RBFOX1: variants seen among roughly 807,000 people sequenced by gnomAD.
RBFOX1 encodes RNA binding fox-1 homolog 1.
A neutral mutation model predicts 57.7 loss-of-function variants in RBFOX1; 8 were observed. The observed-to-expected ratio is 0.14, with a 90% CI of 0.08 to 0.25. The LOEUF (loss-of-function observed/expected upper bound fraction) is 0.25. Among genes scored for constraint, RBFOX1 ranks in the 10% least tolerant of loss-of-function variants. The probability of loss-of-function intolerance (pLI) is 1.00; values close to 1 mark genes in which losing one functional copy is unlikely to be tolerated. For synonymous variants in RBFOX1, 326 were observed against 222.4 expected, an observed-to-expected ratio of 1.47 and a Z score of -4.15; for missense variants, 611 against 548.5, an observed-to-expected ratio of 1.11 and a Z score of -1.14.
At chr16:5,529,581 T>TTG (rs2044380610) in intron 2 of RBFOX1, among the ~76,000 whole-genome samples, 1 of 150,784 alleles carries the variant, frequency 6.6e-6, no homozygotes, top group Non-Finnish European at 1.5e-5. Flanking sequence ...ATTTTTTTTT[T>TTG]TTGAGATGGA....
intron 3 of RBFOX1, chr16:6,749,058 T>A (rs2074375255): frequency 6.6e-6 from 1 of 152,152 alleles, no homozygotes. Context: ...TGGGTATTCA[T>A]AAAATGACTG....
chr16:6,357,443 A>G (rs1107240), intron 2 of RBFOX1, among the ~76,000 whole-genome samples: 44,630 of 151,756 alleles, frequency 0.29, 6,987 homozygotes, highest in African/African-American at 0.4. Flanking sequence ...GTGGGGGTAA[A>G]GAGGGTATTG....
intron 2 of RBFOX1, among the ~76,000 whole-genome samples, chr16:6,609,111 G>T (rs1199394678): frequency 6.6e-6 from 1 of 152,140 alleles, no homozygotes; most frequent in Non-Finnish European, 1.5e-5. Context: ...TTTAAGGTCT[G>T]CTAATCAGCA....
chr16:6,518,471 G>T (rs2096426373), intron 2 of RBFOX1, among the ~76,000 whole-genome samples: 1 of 152,102 alleles, frequency 6.6e-6, no homozygotes, highest in Non-Finnish European at 1.5e-5. Flanking sequence ...CTATTATACA[G>T]ATGGGCACAC....
chr16:5,855,550 T>C (rs372014292), intron 3 of RBFOX1, among the ~76,000 whole-genome samples: 50 of 152,354 alleles, frequency 3.3e-4, no homozygotes, highest in African/African-American at 1.1e-3. Context: ...TGAATTTATT[T>C]CTAGGCTCTC....
chr16:7,485,264 G>C (rs867132275), intron 4 of RBFOX1, among the ~76,000 whole-genome samples: 1 of 152,148 alleles, frequency 6.6e-6, no homozygotes, highest in Non-Finnish European at 1.5e-5. Flanking sequence ...GCACCCTCGC[G>C]TGTTGCTTTT....
intron 1 of RBFOX1, among the ~76,000 whole-genome samples, chr16:6,059,974 GGAA>G (rs1243670600): frequency 5.3e-5 from 8 of 152,072 alleles, no homozygotes; most frequent in African/African-American, 1.9e-4. Context: ...TTCTGGCTCA[GGAA>G]GTGGGGAGGA....
chr16:6,329,703 G>A (rs1042973927), intron 2 of RBFOX1, among the ~76,000 whole-genome samples: 20 of 152,250 alleles, frequency 1.3e-4, no homozygotes, highest in Admixed American at 5.2e-4. Context: ...AGGCCAAAAC[G>A]GGTGGATCAT....
chr16:6,272,899 T>C (rs1447796849), intron 1 of RBFOX1, among the ~76,000 whole-genome samples: 1 of 152,162 alleles, frequency 6.6e-6, no homozygotes, highest in African/African-American at 2.4e-5. Context: ...TTTTACATTT[T>C]ATACAAAAAA....
chr16:7,710,306 C>T (rs1598711795), intron 15 of RBFOX1: 1 of 1,165,818 alleles, frequency 8.6e-7, no homozygotes, highest in Non-Finnish European at 1.1e-6. Context: ...CAAATTCAAC[C>T]TCAAGTGCAG....
At chr16:7,050,348 C>T (rs2049603708) in intron 3 of RBFOX1, among the ~76,000 whole-genome samples, 1 of 146,730 alleles carries the variant, frequency 6.8e-6, no homozygotes, top group Non-Finnish European at 1.5e-5. Flanking sequence ...TCACTGCAAC[C>T]TCTGCCTCCC....
intron 1 of RBFOX1, among the ~76,000 whole-genome samples, chr16:6,043,120 G>GAAAAAAAAAAAAAAAAA (rs570358262): frequency 2.3e-4 from 16 of 70,234 alleles, no homozygotes; most frequent in Non-Finnish European, 3.4e-4. Flanking sequence ...TGTGTTTCCA[G>GAAAAAAAAAAAAAAAAA]AAAAAAAAAA....
intron 3 of RBFOX1, among the ~76,000 whole-genome samples, chr16:6,936,862 C>G (rs914196939): frequency 6.8e-6 from 1 of 146,174 alleles, no homozygotes; most frequent in African/African-American, 2.5e-5. Context: ...TTAAAAGCTG[C>G]TCTCTGAAAT....
intron 4 of RBFOX1, among the ~76,000 whole-genome samples, chr16:7,371,057 C>G (rs1220423890): frequency 6.6e-6 from 1 of 152,146 alleles, no homozygotes; most frequent in Admixed American, 6.5e-5. Context: ...TTGTTCTCCT[C>G]TCCTCTAAGC....
intron 2 of RBFOX1, among the ~76,000 whole-genome samples, chr16:5,500,274 A>G (rs542981401): frequency 1.7e-4 from 25 of 146,552 alleles, no homozygotes; most frequent in Admixed American, 1.4e-3. Flanking sequence ...CCAGGCCGGA[A>G]TGCAGTGGCA....
intron 3 of RBFOX1, among the ~76,000 whole-genome samples, chr16:6,897,895 C>A (rs73546227): frequency 6.6e-6 from 1 of 152,114 alleles, no homozygotes; most frequent in African/African-American, 2.4e-5. Flanking sequence ...CCCCAATTCC[C>A]TGGAGCTCTT....
intron 2 of RBFOX1, among the ~76,000 whole-genome samples, chr16:6,455,137 C>A (rs2094736877): frequency 6.6e-6 from 1 of 151,716 alleles, no homozygotes; most frequent in Non-Finnish European, 1.5e-5. Context: ...TCAGGATCCA[C>A]CCGCCCTGGC....
At chr16:6,194,017 C>T (rs1375397807) in intron 1 of RBFOX1, among the ~76,000 whole-genome samples, 1 of 152,170 alleles carries the variant, frequency 6.6e-6, no homozygotes, top group Non-Finnish European at 1.5e-5. Flanking sequence ...GCTGATGAAG[C>T]CTAGAATCTC....
At chr16:7,456,196 C>G (rs1303656144) in intron 4 of RBFOX1, among the ~76,000 whole-genome samples, 1 of 152,146 alleles carries the variant, frequency 6.6e-6, no homozygotes, top group Non-Finnish European at 1.5e-5. Context: ...GTTGATGTAC[C>G]CACAGCATCC....
Sources: gnomAD v4.1 joint callset for allele counts (sites outside exome capture counted in the v4.1 genomes callset) on GRCh38, gnomAD v4.1.1 for gene constraint, MANE v1.5 for transcripts, NCBI Gene and HGNC (gene_info 2026-07-23, HGNC 2026-07-21) for gene names.